The following KIFC3 variants were observed in gnomAD, a reference collection of about 807,000 sequenced individuals.
KIFC3 encodes kinesin-like protein KIFC3.
A neutral mutation model predicts 101.8 loss-of-function variants in KIFC3; 60 were observed. That is an observed-to-expected ratio of 0.59 (90% CI 0.48 to 0.73). The LOEUF (loss-of-function observed/expected upper bound fraction) is 0.73. KIFC3 is among the 30% of genes least tolerant of loss of function. The probability of loss-of-function intolerance (pLI) is 0.00; values close to 1 mark genes in which losing one functional copy is unlikely to be tolerated. For synonymous variants in KIFC3, 476 were observed against 482.7 expected (o/e 0.99, Z 0.18); for missense variants, 966 against 1,137.1 (o/e 0.85, Z 2.16).
rs1221893370 is a variant in KIFC3, at chr16:57,768,172, A to AAAAC, written c.1219-1191_1219-1188dup. ...GAAGCCCAGCCTCTATTAAAAATACAAAACAAACAAACAAACAAACAAAAC... is the reference window on the plus strand; with the variant it reads ...GAAGCCCAGCCTCTATTAAAAATACAAAACAAACAAACAAACAAACAAACAAAAC... On this transcript the variant is annotated intron_variant, in intron 9 of 19. Transcript: ENST00000445690. Among the ~76,000 whole-genome samples, 26 of 152,084 alleles carry AAAAC rather than the reference A, an allele frequency of 1.7e-4. 1 individual carries two copies. The highest frequency in any genetic ancestry group is 5.1e-4 in the African/African-American group (21 of 41,432).
Position 57,795,137 on chromosome 16 carries a change from A to G in KIFC3, c.177T>C (p.Arg59=). 6.2e-7 allele frequency: 1 copy of G among 1,610,340 alleles called. No homozygotes were observed. Among genetic ancestry groups the G allele is most frequent in the Non-Finnish European group, 8.5e-7 (1 of 1,178,552 alleles). Residue 59 remains arginine (R), a synonymous_variant, in exon 3 of 20, where the codon CGT becomes CGC. Transcript: ENST00000445690. The part of the protein sequence containing the change: ...HTGPGRLRTG[R]GKDTPVCGDE... Reference sequence around the variant, plus strand: ...CACCGCAGACTGGGGTATCTTTTCCACGCCCTGTCCCAGGACAGAGAGATA... The same window carrying G: ...CACCGCAGACTGGGGTATCTTTTCCGCGCCCTGTCCCAGGACAGAGAGATA...
chr16:57,782,750 C>A (rs1050242613), intron 3 of KIFC3, among the ~76,000 whole-genome samples: 7 of 152,190 alleles, frequency 4.6e-5, no homozygotes, highest in Admixed American at 1.3e-4. Flanking sequence ...TCGAGACCAG[C>A]CTGAACAACA....
intron 1 of KIFC3, among the ~76,000 whole-genome samples, chr16:57,837,554 G>GAAGAAAGAAAGAAAGAAAAAGA (rs1555480659): frequency 1.0e-5 from 1 of 99,916 alleles, no homozygotes; most frequent in African/African-American, 3.4e-5. Context: ...AGGAAGGAAG[G>GAAGAAAGAAAGAAAGAAAAAGA]AAGAAAGAAA....
chr16:57,794,986 C>T lies in KIFC3; in HGVS notation c.315+13G>A, dbSNP rs369799374. On this transcript the variant is annotated intron_variant, in intron 3 of 19. Transcript: ENST00000445690. ...GCCAAGGCACATGCAGCCTGGAAGG[C>T]CCCAGTGCTTACCTGCAGGGTCAGG... The T allele has an allele frequency of 5.1e-6, 8 of 1,554,596 alleles. No individual in the cohort carries two copies. Among genetic ancestry groups the T allele is most frequent in the Non-Finnish European group, 6.0e-6 (7 of 1,159,322 alleles).
intron 3 of KIFC3, among the ~76,000 whole-genome samples, chr16:57,794,742 TAAGG>T (rs1555621854): frequency 6.6e-6 from 1 of 152,178 alleles, no homozygotes; most frequent in Non-Finnish European, 1.5e-5. Context: ...CCATCTCAGC[TAAGG>T]CCCCATGCTT....
intron 3 of KIFC3, chr16:57,775,950 G>C (rs2052006611): frequency 1.0e-6 from 1 of 985,384 alleles, no homozygotes; most frequent in Non-Finnish European, 1.2e-6. Context: ...CCTGCTCAAG[G>C]GGAAGAGGGA....
At chr16:57,793,212 G>T (rs1403845595) in intron 3 of KIFC3, among the ~76,000 whole-genome samples, 1 of 151,916 alleles carries the variant, frequency 6.6e-6, no homozygotes, top group Non-Finnish European at 1.5e-5. Context: ...CTTGAACCTG[G>T]GAGGTGAAGG....
chr16:57,789,229 A>G (rs958189824), intron 3 of KIFC3, among the ~76,000 whole-genome samples: 44 of 152,232 alleles, frequency 2.9e-4, no homozygotes, highest in African/African-American at 1.0e-3. Context: ...GAAGGGCCAC[A>G]GCCCTGCCTC....
At chr16:57,839,521 C>G (rs1276111869) in intron 1 of KIFC3, among the ~76,000 whole-genome samples, 1 of 152,074 alleles carries the variant, frequency 6.6e-6, no homozygotes, top group African/African-American at 2.4e-5. Context: ...GCCTCGGTGA[C>G]AGAGCAAGAC....
At chr16:57,808,155 A>G (rs1555627270), upstream of KIFC3, among the ~76,000 whole-genome samples, 1 of 152,150 alleles carries the variant, frequency 6.6e-6, no homozygotes, top group Admixed American at 6.5e-5. Flanking sequence ...CAAGGCTAAA[A>G]GCAAACGGAG....
At chr16:57,818,148 T>G in intron 1 of KIFC3, among the ~76,000 whole-genome samples, 1 of 152,028 alleles carries the variant, frequency 6.6e-6, no homozygotes, top group South Asian at 2.1e-4. Flanking sequence ...AATTTCACCA[T>G]GTTGGCCAGG....
chr16:57,798,293 A>G lies in KIFC3; in HGVS notation c.-39-11T>C. 1 of 1,545,240 alleles carries G rather than the reference A, an allele frequency of 6.5e-7. No individual in the cohort carries two copies. ...GGGGCACCAGGCAGCCTGCGGAGAG[A>G]ACAAGGGGAGATAAGCTTGAAGACC... On this transcript the variant is annotated splice_polypyrimidine_tract_variant and intron_variant, in intron 1 of 19. Coordinates refer to ENST00000445690, the MANE Select transcript of KIFC3 (RefSeq NM_001130100.2).
chr16:57,771,143 C>G, intron 6 of KIFC3, 55 bp downstream of exon 6: 1 of 1,596,858 alleles, frequency 6.3e-7, no homozygotes, highest in Non-Finnish European at 8.5e-7. Flanking sequence ...GCTAGCCCTG[C>G]CCCAGGTGCC....
intron 1 of KIFC3, among the ~76,000 whole-genome samples, chr16:57,834,868 T>C (rs1455325556): frequency 9.2e-5 from 14 of 152,244 alleles, no homozygotes; most frequent in African/African-American, 3.1e-4. Context: ...GTGTCTCTAC[T>C]GCATGCAACT....
chr16:57,771,800 A>G (rs111499921), intron 4 of KIFC3, 114 bp from the exon 5 acceptor site: 6 of 1,285,812 alleles, frequency 4.7e-6, no homozygotes, highest in African/African-American at 3.0e-5. Context: ...GTGTGGAGAA[A>G]GGCAGAGGGA....
chr16:57,830,214 T>G (rs2055546853), intron 1 of KIFC3, among the ~76,000 whole-genome samples: 1 of 151,320 alleles, frequency 6.6e-6, no homozygotes, highest in African/African-American at 2.4e-5. Flanking sequence ...CCTCTCTGAC[T>G]GTTTTCCTTT....
chr16:57,847,253 AGG>A (rs2055945057), intron 1 of KIFC3, among the ~76,000 whole-genome samples: 2 of 96,762 alleles, frequency 2.1e-5, no homozygotes, highest in Non-Finnish European at 3.8e-5. Flanking sequence ...GAAGGAAGGA[AGG>A]AAGGAAGGAA....
intron 1 of KIFC3, among the ~76,000 whole-genome samples, chr16:57,836,041 G>A (rs1331879262): frequency 6.6e-6 from 1 of 152,138 alleles, no homozygotes; most frequent in Non-Finnish European, 1.5e-5. Context: ...ATTCCAGAGG[G>A]AAACCCAGTC....
intron 1 of KIFC3, among the ~76,000 whole-genome samples, chr16:57,856,928 G>A (rs2056182615): frequency 6.6e-6 from 1 of 152,164 alleles, no homozygotes; most frequent in African/African-American, 2.4e-5. Flanking sequence ...CTTAGGTCCA[G>A]ATGGTTTTAC....
Sources: gnomAD v4.1 joint callset for allele counts (sites outside exome capture counted in the v4.1 genomes callset) on GRCh38, gnomAD v4.1.1 for gene constraint, MANE v1.5 for transcripts, NCBI Gene and HGNC (gene_info 2026-07-23, HGNC 2026-07-21) for gene names.